NHSL2: variants seen among roughly 807,000 people sequenced by gnomAD.
NHSL2 encodes the protein NHS like 2.
NHSL2 carries 27 observed loss-of-function variants against 53.4 expected under a neutral mutation model. That is an observed-to-expected ratio of 0.51 (90% CI 0.37 to 0.70). The LOEUF (loss-of-function observed/expected upper bound fraction) is 0.70. Among genes scored for constraint, NHSL2 ranks in the 30% least tolerant of loss-of-function variants. The pLI is 0.00. For synonymous variants in NHSL2, 408 were observed against 404.1 expected, an observed-to-expected ratio of 1.01 and a Z score of -0.12; for missense variants, 892 against 980.1, an observed-to-expected ratio of 0.91 and a Z score of 1.20.
intron 1 of NHSL2, among the ~76,000 whole-genome samples, chrX:72,106,163 A>G (rs1025156844): frequency 9.0e-6 from 1 of 110,603 alleles, no homozygotes; most frequent in African/African-American, 3.3e-5. Flanking sequence ...GTGAGCCGAG[A>G]TCGCGCCACT....
chrX:72,131,399 C>A (rs2042298213), intron 1 of NHSL2: 1 of 1,209,282 alleles, frequency 8.3e-7, no homozygotes, highest in African/African-American at 1.8e-5. Flanking sequence ...GAGACATTGC[C>A]CCGCAAGGAA....
chrX:72,075,510 G>A (rs934271417), intron 1 of NHSL2, among the ~76,000 whole-genome samples: 6 of 111,970 alleles, frequency 5.4e-5, no homozygotes, highest in Non-Finnish European at 9.4e-5. Flanking sequence ...TCTAGTTTTC[G>A]CCTTGGATGG....
intron 1 of NHSL2, among the ~76,000 whole-genome samples, chrX:72,071,658 C>T (rs1430877889): frequency 9.0e-6 from 1 of 110,987 alleles, no homozygotes; most frequent in Admixed American, 9.5e-5. Context: ...CCAGAAGCCC[C>T]GATTGAACAC....
chrX:71,922,159 T>C (rs1239083198), intron 1 of NHSL2, among the ~76,000 whole-genome samples: 1 of 112,345 alleles, frequency 8.9e-6, no homozygotes, highest in Non-Finnish European at 1.9e-5. Flanking sequence ...ATTTATCTTT[T>C]TTCCCTTCAT....
rs1306532760 is a variant in NHSL2 at position 72,139,860 on chromosome X, T to A, written c.2312T>A (p.Phe771Tyr). 2.5e-6 allele frequency: 3 copies of A among 1,210,866 alleles called. No homozygotes were observed. The highest frequency in any genetic ancestry group is 2.2e-6 in the Non-Finnish European group (2 of 894,798). The change falls in exon 6 of 8, where the codon TTT (phenylalanine) becomes TAT (tyrosine). Residue 771 changes from phenylalanine (F) to tyrosine (Y), a missense_variant. By Grantham distance (22) the Phe-to-Tyr change is conservative. Transcript: ENST00000633930. ...MEKFPKSRLS[F>Y]DLPLTSSPNL... Reference sequence around the variant, plus strand: ...AAATTTCCCAAGTCACGGCTATCATTTGACCTACCACTGACCTCTTCACCC... The same window carrying A: ...AAATTTCCCAAGTCACGGCTATCATATGACCTACCACTGACCTCTTCACCC...
intron 1 of NHSL2, among the ~76,000 whole-genome samples, chrX:71,972,325 G>A (rs779692764): frequency 7.1e-4 from 80 of 112,143 alleles, no homozygotes; most frequent in Non-Finnish European, 1.3e-3. Flanking sequence ...ATGAGCCACC[G>A]CGCCCGGCCT....
chrX:71,963,958 TACAC>T (rs774683756), intron 1 of NHSL2, among the ~76,000 whole-genome samples: 607 of 6,231 alleles, frequency 0.097, 11 homozygotes, highest in East Asian at 0.23. Context: ...GCTATATATA[TACAC>T]ATATATATAT....
At position 71,911,108 on chromosome X, in the gene NHSL2, G is replaced by A; in HGVS notation, c.21G>A (p.Thr7=). 9 of 1,054,175 alleles carry A rather than the reference G, an allele frequency of 8.5e-6. No homozygotes were observed. The highest frequency in any genetic ancestry group is 9.8e-6 in the Non-Finnish European group (8 of 820,297). The allele number at this position is 1,054,175 out of a possible 1,213,427, so 86.9% of individuals were successfully genotyped here. A position where few individuals can be genotyped will look rare whatever the true frequency, so the allele number is the denominator to read the frequency against. ...CCGGGATGCCGTTCTACAGGCGCAC[G>A]GTGGTACCCCAGCGCCTGTGCCCGC... The part of the protein sequence containing the change: MPFYRR[T]VVPQRLCPRN... Residue 7 remains threonine (T), a synonymous_variant, in exon 1 of 8, where the codon ACG becomes ACA. Coordinates refer to ENST00000633930, the MANE Select transcript of NHSL2 (RefSeq NM_001013627.3).
At chrX:71,966,704 C>T (rs1297680418) in intron 1 of NHSL2, among the ~76,000 whole-genome samples, 3 of 111,240 alleles carry the variant, frequency 2.7e-5, no homozygotes, top group Admixed American at 9.6e-5. Context: ...AATATTTTGT[C>T]GAGGATTTTT....
chrX:72,024,616 A>G (rs1259582111), intron 1 of NHSL2, among the ~76,000 whole-genome samples: 1 of 112,094 alleles, frequency 8.9e-6, no homozygotes, highest in Admixed American at 9.4e-5. Flanking sequence ...GCTAAAGAAC[A>G]AAAGAGCACA....
intron 1 of NHSL2, among the ~76,000 whole-genome samples, chrX:71,948,415 G>A (rs2041803336): frequency 8.9e-6 from 1 of 112,279 alleles, no homozygotes; most frequent in African/African-American, 3.2e-5. Flanking sequence ...AAATTAGTGT[G>A]TGGGGTGCAT....
At chrX:71,977,283 G>A (rs1250896635) in intron 1 of NHSL2, among the ~76,000 whole-genome samples, 1 of 111,847 alleles carries the variant, frequency 8.9e-6, no homozygotes, top group East Asian at 2.8e-4. Flanking sequence ...TACCTCACAG[G>A]GTTGTTGTGA....
chrX:72,100,825 C>T (rs1369747637), intron 1 of NHSL2, among the ~76,000 whole-genome samples: 1 of 112,277 alleles, frequency 8.9e-6, no homozygotes, highest in African/African-American at 3.2e-5. Flanking sequence ...AGGTTGGGGA[C>T]TGCTGTGTTA....
intron 1 of NHSL2, among the ~76,000 whole-genome samples, chrX:71,994,682 T>C (rs2042042158): frequency 8.9e-6 from 1 of 111,818 alleles, no homozygotes; most frequent in African/African-American, 3.3e-5. Context: ...CTGAAGGCAA[T>C]GGGGAGCCAC....
At chrX:72,031,097 G>A (rs1235330586) in intron 1 of NHSL2, among the ~76,000 whole-genome samples, 2 of 112,123 alleles carry the variant, frequency 1.8e-5, no homozygotes. Context: ...TTTAACACTC[G>A]GAAGGAGAGG....
intron 1 of NHSL2, among the ~76,000 whole-genome samples, chrX:71,950,133 AT>A (rs957038368): frequency 8.9e-6 from 1 of 112,006 alleles, no homozygotes; most frequent in African/African-American, 3.2e-5. Flanking sequence ...CCATCAGAGT[AT>A]TTTTTTTTCC....
At chrX:72,039,612 G>A (rs763571434) in intron 1 of NHSL2, among the ~76,000 whole-genome samples, 8 of 111,728 alleles carry the variant, frequency 7.2e-5, no homozygotes, top group Non-Finnish European at 1.5e-4. Context: ...ATGGGAGCTC[G>A]TTGCACCAGG....
intron 1 of NHSL2, among the ~76,000 whole-genome samples, chrX:72,004,681 G>A (rs1230537178): frequency 1.1e-5 from 1 of 87,233 alleles, no homozygotes; most frequent in Non-Finnish European, 2.2e-5. Flanking sequence ...GCCCCCTACC[G>A]CCCCGCCCCA....
intron 6 of NHSL2, chrX:72,141,300 T>C (rs2042416865): frequency 8.1e-6 from 1 of 124,196 alleles, no homozygotes. Context: ...CTTTCTTGGG[T>C]GGTTTGAGTT....
Sources: gnomAD v4.1 joint callset for allele counts (sites outside exome capture counted in the v4.1 genomes callset) on GRCh38, gnomAD v4.1.1 for gene constraint, MANE v1.5 for transcripts, NCBI Gene and HGNC (gene_info 2026-07-23, HGNC 2026-07-21) for gene names.